Variants in AFF2 observed in about 807,000 individuals in gnomAD.
The protein encoded by AFF2 is AF4/FMR2 family member 2.
A neutral mutation model predicts 76.9 loss-of-function variants in AFF2; 14 were observed. The observed-to-expected ratio is 0.18, with a 90% CI of 0.12 to 0.28. AFF2 has a LOEUF of 0.28. Ranked by LOEUF, AFF2 falls within the 10% of genes least tolerant of loss-of-function variation. The pLI is 1.00. For missense variants in AFF2, 868 were observed against 1,001.1 expected (o/e 0.87, Z 1.79); for synonymous variants, 398 against 366.7 (o/e 1.09, Z -0.98).
At chrX:148,795,303 G>A (rs2069953259) in intron 3 of AFF2, among the ~76,000 whole-genome samples, 1 of 110,843 alleles carries the variant, frequency 9.0e-6, no homozygotes, top group Admixed American at 9.7e-5. Flanking sequence ...TTTAGGAGAT[G>A]TCTCTCATGG....
rs782527954 is a variant in AFF2, at chrX:148,574,821, C to T, written c.47+73677C>T. Among the ~76,000 whole-genome samples, 4 of 111,514 alleles carry T rather than the reference C, an allele frequency of 3.6e-5. No homozygotes were observed. In the South Asian group the frequency reaches 1.5e-3, roughly 42 times the overall value. On this transcript the variant is annotated intron_variant, in intron 1 of 20. Coordinates refer to ENST00000370460, the MANE Select transcript of AFF2 (RefSeq NM_002025.4). ...ACTCTCAAGAAAAAGCTAAGAAGTACACATTATTGTTTCCATTTCAGGGAT... is the reference window on the plus strand; with the variant it reads ...ACTCTCAAGAAAAAGCTAAGAAGTATACATTATTGTTTCCATTTCAGGGAT...
At chrX:148,701,685 A>G (rs2088918321) in intron 3 of AFF2, among the ~76,000 whole-genome samples, 1 of 112,363 alleles carries the variant, frequency 8.9e-6, no homozygotes, top group Admixed American at 9.4e-5. Flanking sequence ...GTGCATCTTT[A>G]TTGGGAACAC....
intron 3 of AFF2, among the ~76,000 whole-genome samples, chrX:148,805,011 G>A (rs143562840): frequency 0.01 from 1,121 of 111,713 alleles, 12 homozygotes; most frequent in African/African-American, 0.034. Context: ...AATTACCAAC[G>A]ATGGGAATTA....
chrX:148,982,609 C>G (rs1337560535), intron 19 of AFF2, among the ~76,000 whole-genome samples: 1 of 112,167 alleles, frequency 8.9e-6, no homozygotes, highest in Non-Finnish European at 1.9e-5. Flanking sequence ...GACTTCAAAC[C>G]CTCCTAGGCT....
At chrX:148,580,729 ATG>A (rs1180777360) in intron 1 of AFF2, among the ~76,000 whole-genome samples, 25 of 63,527 alleles carry the variant, frequency 3.9e-4, no homozygotes, top group African/African-American at 1.3e-3. Flanking sequence ...ATATATATAT[ATG>A]TGTGTGTGTG....
chrX:148,973,151 A>G (rs2072279752), intron 15 of AFF2, among the ~76,000 whole-genome samples: 1 of 110,434 alleles, frequency 9.1e-6, no homozygotes, highest in Non-Finnish European at 1.9e-5. Flanking sequence ...TTTTGGTACC[A>G]GTACCATGCT....
chrX:148,737,593 T>C (rs2055300724), intron 3 of AFF2, among the ~76,000 whole-genome samples: 1 of 111,704 alleles, frequency 9.0e-6, no homozygotes, highest in Non-Finnish European at 1.9e-5. Context: ...CCTTTACCGA[T>C]TTGGATGCAC....
intron 8 of AFF2, among the ~76,000 whole-genome samples, chrX:148,902,523 T>A (rs782810186): frequency 1.8e-5 from 2 of 112,192 alleles, no homozygotes; most frequent in Admixed American, 1.9e-4. Flanking sequence ...GACTGGGTCC[T>A]GCTGCTGTAG....
intron 8 of AFF2, among the ~76,000 whole-genome samples, chrX:148,890,600 T>C (rs2071211478): frequency 8.9e-6 from 1 of 112,227 alleles, no homozygotes; most frequent in Non-Finnish European, 1.9e-5. Context: ...CTGACAACTT[T>C]TAAACTAGAG....
chrX:148,594,040 A>C (rs1422318579), intron 1 of AFF2, among the ~76,000 whole-genome samples: 1 of 111,527 alleles, frequency 9.0e-6, no homozygotes, highest in Middle Eastern at 4.2e-3. Flanking sequence ...CTGTGCATGG[A>C]TATATGTGTG....
intron 9 of AFF2, among the ~76,000 whole-genome samples, chrX:148,921,021 T>C (rs1205653293): frequency 9.0e-6 from 1 of 111,514 alleles, no homozygotes; most frequent in Non-Finnish European, 1.9e-5. Flanking sequence ...AGCCTATCAA[T>C]GGGGCCACTA....
chrX:148,916,196 C>CTTTTTTTTTTTTTTTTT (rs782508166), intron 9 of AFF2, among the ~76,000 whole-genome samples: 4 of 34,038 alleles, frequency 1.2e-4, no homozygotes, highest in African/African-American at 5.0e-4. Flanking sequence ...GTGGTTTTAA[C>CTTTTTTTTTTTTTTTTT]TTTTTTTTTT....
intron 13 of AFF2, among the ~76,000 whole-genome samples, chrX:148,966,553 T>C (rs1387272806): frequency 1.8e-5 from 2 of 110,623 alleles, no homozygotes; most frequent in Non-Finnish European, 3.8e-5. Context: ...TGGAGCTATG[T>C]AATGGCAGCA....
chrX:148,981,902 A>C (rs2072398978), intron 19 of AFF2, among the ~76,000 whole-genome samples: 1 of 112,601 alleles, frequency 8.9e-6, no homozygotes, highest in Admixed American at 9.4e-5. Context: ...TGAAAACTAC[A>C]CATTAACTCA....
chrX:148,888,544 T>A (rs1351360412), intron 8 of AFF2, among the ~76,000 whole-genome samples: 1 of 111,928 alleles, frequency 8.9e-6, no homozygotes, highest in African/African-American at 3.2e-5. Context: ...AATTGATGAG[T>A]CACATGGTAA....
intron 3 of AFF2, among the ~76,000 whole-genome samples, chrX:148,770,252 TC>T (rs2069570442): frequency 9.0e-6 from 1 of 111,553 alleles, no homozygotes; most frequent in Non-Finnish European, 1.9e-5. Context: ...GTAGATTAAC[TC>T]CAGCCAGTGT....
At chrX:148,653,602 G>A (rs2054223688) in intron 2 of AFF2, among the ~76,000 whole-genome samples, 1 of 111,848 alleles carries the variant, frequency 8.9e-6, no homozygotes, top group Non-Finnish European at 1.9e-5. Context: ...AGTTTAGAAT[G>A]ATGATGTTGG....
At chrX:148,788,488 AT>A (rs2069851441) in intron 3 of AFF2, among the ~76,000 whole-genome samples, 1 of 112,107 alleles carries the variant, frequency 8.9e-6, no homozygotes, top group Admixed American at 9.5e-5. Context: ...CTAAGCCAAC[AT>A]TATGTGTGCC....
At chrX:148,606,908 A>G (rs1458940476) in intron 1 of AFF2, among the ~76,000 whole-genome samples, 15 of 111,388 alleles carry the variant, frequency 1.3e-4, no homozygotes, top group African/African-American at 4.9e-4. Context: ...AAAGTGAAAT[A>G]AGGAACTTGC....
Sources: allele counts gnomAD v4.1 joint callset (sites outside exome capture counted in the v4.1 genomes callset), GRCh38; gene constraint gnomAD v4.1.1; transcripts MANE v1.5; gene names NCBI Gene and HGNC (gene_info 2026-07-23, HGNC 2026-07-21).